The following LIN28B variants were observed in gnomAD, a reference collection of about 807,000 sequenced individuals.
LIN28B encodes protein lin-28 homolog B.
A neutral mutation model predicts 21.9 loss-of-function variants in LIN28B; 5 were observed. That is an observed-to-expected ratio of 0.23 (90% CI 0.12 to 0.48). The LOEUF (loss-of-function observed/expected upper bound fraction) is 0.48, where lower values mean the gene tolerates loss of function less well. Ranked by LOEUF, LIN28B falls within the 20% of genes least tolerant of loss-of-function variation. The pLI is 0.98. For missense variants in LIN28B, 245 were observed against 310.5 expected, an observed-to-expected ratio of 0.79 and a Z score of 1.58; for synonymous variants, 109 against 111.3, an observed-to-expected ratio of 0.98 and a Z score of 0.13.
At chr6:105,048,697 T>C (rs1330299787) in intron 3 of LIN28B, among the ~76,000 whole-genome samples, 1 of 152,198 alleles carries the variant, frequency 6.6e-6, no homozygotes, top group African/African-American at 2.4e-5. Flanking sequence ...TCTCAGATCC[T>C]GTTATCGGTC....
rs1232423093 is a variant in LIN28B at position 105,078,602 on chromosome 6, T to C, written c.572T>C (p.Leu191Pro). ...EAESQPCTST[L>P]PREVGGGHGC... ...GAATCCCAGCCATGCACTTCAACTC[T>C]CCCTCGAGAAGTGGGAGGCGGGCAT... Residue 191 changes from leucine to proline, a missense_variant, in exon 4 of 4, where the codon CTC (leucine) becomes CCC (proline). Physicochemically the swap from Leu to Pro is moderately conservative, Grantham distance 98. Coordinates refer to ENST00000345080, the MANE Select transcript of LIN28B (RefSeq NM_001004317.4). 4 of 1,613,972 alleles carry C rather than the reference T, an allele frequency of 2.5e-6. No homozygotes were observed. Among genetic ancestry groups the C allele is most frequent in the Non-Finnish European group, 3.4e-6 (4 of 1,179,968 alleles).
intron 2 of LIN28B, among the ~76,000 whole-genome samples, chr6:105,002,762 G>T (rs1319778217): frequency 6.6e-6 from 1 of 152,168 alleles, no homozygotes; most frequent in Admixed American, 6.5e-5. Flanking sequence ...TTTCAAGTTG[G>T]ACAGATGTTC....
At chr6:104,956,552 G>A (rs1013262506), upstream of LIN28B, among the ~76,000 whole-genome samples, 2 of 152,010 alleles carry the variant, frequency 1.3e-5, no homozygotes, top group African/African-American at 2.4e-5. Context: ...CCTTTTCCTA[G>A]GTGTATGTTT....
intron 3 of LIN28B, among the ~76,000 whole-genome samples, chr6:105,050,915 G>A (rs574924092): frequency 6.6e-6 from 1 of 151,310 alleles, no homozygotes; most frequent in African/African-American, 2.4e-5. Context: ...TACAAATGAT[G>A]CTTTAAAACA....
At chr6:105,033,779 T>TC (rs1771470972) in intron 3 of LIN28B, among the ~76,000 whole-genome samples, 1 of 151,890 alleles carries the variant, frequency 6.6e-6, no homozygotes. Flanking sequence ...CTTTTTGTTC[T>TC]CTTTAAAAAC....
At chr6:104,941,464 G>T (rs1342672757) in intron 2 of LIN28B, 3 of 140,420 alleles carry the variant, frequency 2.1e-5, no homozygotes, top group East Asian at 2.0e-4. Flanking sequence ...GCGGGGCAGG[G>T]CGGGGGCGCA....
rs1404302491 is a variant in LIN28B at position 105,080,571 on chromosome 6, A to C, written c.*1788A>C. 6.6e-6 allele frequency: 1 copy of C among 152,590 alleles called. No individual in the cohort carries two copies. Among genetic ancestry groups the C allele is most frequent in the Non-Finnish European group, 1.5e-5 (1 of 68,032 alleles). The allele number at this position is 152,590 out of a possible 1,614,324, so 9.5% of individuals were successfully genotyped here. A position where few individuals can be genotyped will look rare whatever the true frequency, so the allele number is the denominator to read the frequency against. ...GATTGTGAGAATCTGCGTGGTATAC[A>C]CTGAAATATCGGTGTGCTGTGATGC... On this transcript the variant is annotated 3_prime_UTR_variant, in exon 4 of 4. Coordinates refer to ENST00000345080, the MANE Select transcript of LIN28B (RefSeq NM_001004317.4).
intron 2 of LIN28B, among the ~76,000 whole-genome samples, chr6:104,973,110 C>CAA (rs574004784): frequency 4.7e-5 from 5 of 105,864 alleles, no homozygotes; most frequent in African/African-American, 1.4e-4. Context: ...CACTCTGTCT[C>CAA]AAAAAAAAAA....
chr6:104,940,502 C>G (rs1778068674), intron 2 of LIN28B: 1 of 152,848 alleles, frequency 6.5e-6, no homozygotes, highest in South Asian at 2.1e-4. Context: ...TCGGGGGCGC[C>G]CGCGGTAAAG....
At position 104,937,545 on chromosome 6, in the gene LIN28B, G is replaced by A. The variant is rs192004180; in HGVS notation, c.18+429G>A. Reference sequence around the variant, plus strand: ...CTCCCAAAGTGCTGGGATTACAGGCGTGAACCACCGCGCCTGGCCAACTCT... The same window carrying A: ...CTCCCAAAGTGCTGGGATTACAGGCATGAACCACCGCGCCTGGCCAACTCT... On this transcript the variant is annotated intron_variant, in intron 2 of 5. Coordinates refer to the LIN28B transcript ENST00000635857. Among the ~76,000 whole-genome samples, 655 of 152,280 alleles carry A rather than the reference G, an allele frequency of 4.3e-3. 1 individual carries two copies. The highest frequency in any genetic ancestry group is 0.01 in the Middle Eastern group (3 of 294).
At chr6:104,951,960 A>G (rs1026863673) in intron 3 of LIN28B, among the ~76,000 whole-genome samples, 8 of 152,170 alleles carry the variant, frequency 5.3e-5, no homozygotes, top group Non-Finnish European at 7.4e-5. Flanking sequence ...GCATCTTTAA[A>G]GCCTGAAGAT....
intron 3 of LIN28B, among the ~76,000 whole-genome samples, chr6:105,048,126 G>A (rs1010493341): frequency 6.6e-6 from 1 of 152,198 alleles, no homozygotes; most frequent in African/African-American, 2.4e-5. Context: ...TCCAGTTTTT[G>A]CCCATGCAGT....
intron 3 of LIN28B, among the ~76,000 whole-genome samples, chr6:105,051,236 T>A (rs1301556673): frequency 6.6e-6 from 1 of 151,248 alleles, no homozygotes; most frequent in Non-Finnish European, 1.5e-5. Flanking sequence ...GTCAGGAGAT[T>A]GAGACCAGCC....
intron 2 of LIN28B, among the ~76,000 whole-genome samples, chr6:105,000,172 A>G (rs1034120698): frequency 6.6e-6 from 1 of 151,616 alleles, no homozygotes; most frequent in African/African-American, 2.4e-5. Context: ...AAAATGTTCA[A>G]TTCTATGCAT....
upstream of LIN28B, among the ~76,000 whole-genome samples, chr6:104,953,317 G>A (rs534152291): frequency 1.3e-5 from 2 of 152,280 alleles, no homozygotes; most frequent in South Asian, 4.1e-4. Flanking sequence ...GGCCCGGTGG[G>A]GGTGGGGGTG....
chr6:105,015,957 G>T (rs1433747195), intron 2 of LIN28B, among the ~76,000 whole-genome samples: 4 of 152,136 alleles, frequency 2.6e-5, no homozygotes, highest in Non-Finnish European at 5.9e-5. Context: ...ATTAGATAGT[G>T]TACATAGATG....
chr6:105,071,065 C>T lies in LIN28B; in HGVS notation c.384-7349C>T, dbSNP rs113215434. On this transcript the variant is annotated intron_variant, in intron 3 of 3. Transcript: ENST00000345080. ...CTAAGTTTTGTGTTTTTAGTAGAGACGGAGTTTCACTGTGTTGGCCTGGCT... is the reference window on the plus strand; with the variant it reads ...CTAAGTTTTGTGTTTTTAGTAGAGATGGAGTTTCACTGTGTTGGCCTGGCT... Among the ~76,000 whole-genome samples, 195 of 152,164 alleles carry T rather than the reference C, an allele frequency of 1.3e-3. 2 individuals carry two copies. The highest frequency in any genetic ancestry group is 4.4e-3 in the African/African-American group (184 of 41,514).
At chr6:104,957,071 A>C, upstream of LIN28B, 1 of 1,483,474 alleles carries the variant, frequency 6.7e-7, no homozygotes, top group Non-Finnish European at 8.9e-7. Flanking sequence ...ACGTGTGCTC[A>C]GGGGGCCAGA....
intron 3 of LIN28B, among the ~76,000 whole-genome samples, chr6:104,951,440 A>AT (rs1778219445): frequency 6.6e-6 from 1 of 152,114 alleles, no homozygotes; most frequent in South Asian, 2.1e-4. Context: ...TGATACTCTA[A>AT]TATCATGAAA....
Sources: allele counts gnomAD v4.1 joint callset (sites outside exome capture counted in the v4.1 genomes callset), GRCh38; gene constraint gnomAD v4.1.1; transcripts MANE v1.5; gene names NCBI Gene and HGNC (gene_info 2026-07-23, HGNC 2026-07-21).